The following PPP2R2A variants were observed in gnomAD, a reference collection of about 807,000 sequenced individuals.
PPP2R2A encodes serine/threonine-protein phosphatase 2A 55 kDa regulatory subunit B alpha isoform.
PPP2R2A carries 9 observed loss-of-function variants against 53.2 expected under a neutral mutation model. The observed-to-expected ratio is 0.17, with a 90% CI of 0.10 to 0.30. The LOEUF (loss-of-function observed/expected upper bound fraction) is 0.30. PPP2R2A is among the 10% of genes least tolerant of loss of function. The probability of loss-of-function intolerance (pLI) is 1.00; values close to 1 mark genes in which losing one functional copy is unlikely to be tolerated. For synonymous variants in PPP2R2A, 169 were observed against 174.2 expected (o/e 0.97, Z 0.23); for missense variants, 235 against 534.6 (o/e 0.44, Z 5.53).
chr8:26,370,477 G>T lies in PPP2R2A; in HGVS notation c.*64G>T. On this transcript the variant is annotated 3_prime_UTR_variant, in exon 10 of 10. Transcript: ENST00000380737. This position sits in a 1 kb window ranked among gnomAD's most constrained non-coding sequence, Gnocchi z 6.1. The stretch of plus-strand genomic sequence containing the variant: ...GTTGAGATAGTTGAATCTAGCATTC[G>T]TTCCTATAAAAGAGAGAGGTCCATT... 1 of 1,552,716 alleles carries T rather than the reference G, an allele frequency of 6.4e-7. No individual in the cohort carries two copies. The highest frequency in any genetic ancestry group is 8.8e-7 in the Non-Finnish European group (1 of 1,137,204).
intron 3 of PPP2R2A, among the ~76,000 whole-genome samples, chr8:26,347,095 A>C (rs1229564033): frequency 6.6e-6 from 1 of 152,192 alleles, no homozygotes; most frequent in Admixed American, 6.6e-5. Context: ...TATTTAACAC[A>C]TGAAGAAAAC....
At chr8:26,349,877 ATAT>A (rs1804408183) in intron 3 of PPP2R2A, among the ~76,000 whole-genome samples, 1 of 152,228 alleles carries the variant, frequency 6.6e-6, no homozygotes, top group Admixed American at 6.5e-5. Context: ...ATGAGTAGAA[ATAT>A]TATGCCCATA....
chr8:26,314,967 C>G (rs1802476836), intron 2 of PPP2R2A, among the ~76,000 whole-genome samples: 2 of 126,656 alleles, frequency 1.6e-5, no homozygotes, highest in Non-Finnish European at 3.2e-5. Flanking sequence ...GTTCTCAACT[C>G]TTTCATTTAT....
At chr8:26,341,277 G>T (rs1178240790) in intron 3 of PPP2R2A, among the ~76,000 whole-genome samples, 1 of 152,088 alleles carries the variant, frequency 6.6e-6, no homozygotes, top group Non-Finnish European at 1.5e-5. Context: ...TTAAAGCCCT[G>T]TCTTAGAGTT....
intron 1 of PPP2R2A, 69 bp downstream of exon 1, chr8:26,291,895 A>G (rs1801313416): frequency 6.9e-7 from 1 of 1,454,852 alleles, no homozygotes; most frequent in Non-Finnish European, 9.2e-7. Flanking sequence ...ATCACCCCCT[A>G]GCGACCGCCC....
At chr8:26,336,402 T>G (rs1003069524) in intron 2 of PPP2R2A, among the ~76,000 whole-genome samples, 2 of 152,002 alleles carry the variant, frequency 1.3e-5, no homozygotes, top group Non-Finnish European at 2.9e-5. Context: ...GCATTCCAGC[T>G]GGGGCAACAA....
At chr8:26,295,417 T>C (rs1230950921) in intron 2 of PPP2R2A, among the ~76,000 whole-genome samples, 1 of 152,242 alleles carries the variant, frequency 6.6e-6, no homozygotes, top group Non-Finnish European at 1.5e-5. Context: ...AATAATGTAA[T>C]GTCAATAGGT....
intron 2 of PPP2R2A, among the ~76,000 whole-genome samples, chr8:26,303,878 A>G (rs1248689394): frequency 3.3e-5 from 5 of 152,212 alleles, no homozygotes; most frequent in Non-Finnish European, 7.3e-5. Flanking sequence ...AAGTCGTTGA[A>G]TACTTCTATA....
intron 2 of PPP2R2A, among the ~76,000 whole-genome samples, chr8:26,329,758 G>A (rs1435271084): frequency 6.6e-6 from 1 of 152,152 alleles, no homozygotes; most frequent in Non-Finnish European, 1.5e-5. Flanking sequence ...TTTTTCAGGG[G>A]ATAGAGGCCA....
chr8:26,314,857 C>CTT (rs1459025147), intron 2 of PPP2R2A, among the ~76,000 whole-genome samples: 2 of 137,882 alleles, frequency 1.5e-5, no homozygotes, highest in Non-Finnish European at 3.1e-5. Context: ...GGATCTTGGA[C>CTT]TTTTTGTACT....
chr8:26,312,774 TTC>T (rs1802349402), intron 2 of PPP2R2A, among the ~76,000 whole-genome samples: 1 of 152,180 alleles, frequency 6.6e-6, no homozygotes, highest in African/African-American at 2.4e-5. Flanking sequence ...TTTGCCATTT[TTC>T]TGTTTGCTTC....
intron 2 of PPP2R2A, among the ~76,000 whole-genome samples, chr8:26,296,014 C>T (rs559234126): frequency 6.6e-6 from 1 of 152,068 alleles, no homozygotes; most frequent in Non-Finnish European, 1.5e-5. Context: ...TCCATATTGC[C>T]TGCCTTTCTC....
chr8:26,309,708 G>C (rs1268503416), intron 2 of PPP2R2A, among the ~76,000 whole-genome samples: 2 of 152,260 alleles, frequency 1.3e-5, no homozygotes, highest in East Asian at 1.9e-4. Context: ...GGCCCATAGG[G>C]TAATTGTCCT....
chr8:26,363,684 A>C (rs1461842713), intron 7 of PPP2R2A, 37 bp from the exon 8 acceptor site: 1 of 1,495,424 alleles, frequency 6.7e-7, no homozygotes, highest in South Asian at 1.3e-5. Context: ...AATATTGTAC[A>C]CCTTGCCCTT....
intron 4 of PPP2R2A, among the ~76,000 whole-genome samples, chr8:26,356,346 G>C (rs1321013238): frequency 6.6e-6 from 1 of 152,126 alleles, no homozygotes; most frequent in Non-Finnish European, 1.5e-5. Context: ...CCGTTTTTCT[G>C]ATCATGAAAG....
chr8:26,356,384 G>A (rs75646882), intron 4 of PPP2R2A, among the ~76,000 whole-genome samples: 5,705 of 152,196 alleles, frequency 0.037, 90 homozygotes, highest in Middle Eastern at 0.068. Flanking sequence ...ATTGAGATGC[G>A]TACCCTCTGC....
At position 26,291,591 on chromosome 8, in the gene PPP2R2A, C is replaced by T. The variant is rs542815499; in HGVS notation, c.-229C>T. The T allele has an allele frequency of 2.7e-5, 15 of 558,382 alleles. No individual in the cohort carries two copies. The highest frequency in any genetic ancestry group is 6.0e-5 in the African/African-American group (3 of 50,264). The allele number at this position is 558,382 out of a possible 1,614,324, so 34.6% of individuals were successfully genotyped here. ...CCGTCGCTGTCGTAGTCGCCGCCGC[C>T]GCTGCCGGAGAAAGAGCACGAGCGG... On this transcript the variant is annotated 5_prime_UTR_variant, in exon 1 of 10. Coordinates refer to ENST00000380737, the MANE Select transcript of PPP2R2A (RefSeq NM_002717.4).
chr8:26,344,322 A>G (rs1165367282), intron 3 of PPP2R2A, among the ~76,000 whole-genome samples: 2 of 152,226 alleles, frequency 1.3e-5, no homozygotes, highest in Admixed American at 6.5e-5. Flanking sequence ...CCTGCTAGGT[A>G]AGTGGGTAAA....
chr8:26,364,879 G>T (rs1477749102), intron 8 of PPP2R2A, among the ~76,000 whole-genome samples: 1 of 151,976 alleles, frequency 6.6e-6, no homozygotes, highest in East Asian at 1.9e-4. Context: ...ATATATGGAG[G>T]GCCAAAACTT....
Sources: gnomAD v4.1 joint callset for allele counts (sites outside exome capture counted in the v4.1 genomes callset) on GRCh38, gnomAD v4.1.1 for gene constraint, Gnocchi (gnomAD v3.1) non-coding constraint, MANE v1.5 for transcripts, NCBI Gene and HGNC (gene_info 2026-07-23, HGNC 2026-07-21) for gene names.